KLHDC1: variants seen among roughly 807,000 people sequenced by gnomAD.
The protein encoded by KLHDC1 is kelch domain-containing protein 1.
Under a neutral mutation model 68.3 loss-of-function variants are expected in KLHDC1, and 53 were observed. That is an observed-to-expected ratio of 0.78 (90% CI 0.62 to 0.98). KLHDC1 has a LOEUF of 0.98. KLHDC1 is among the 50% of genes least tolerant of loss of function. The pLI is 0.00. For synonymous variants in KLHDC1, 148 were observed against 159.0 expected, an observed-to-expected ratio of 0.93 and a Z score of 0.52; for missense variants, 470 against 492.3, an observed-to-expected ratio of 0.95 and a Z score of 0.43.
At chr14:49,719,180 C>G (rs1888463329) in intron 4 of KLHDC1, among the ~76,000 whole-genome samples, 1 of 152,008 alleles carries the variant, frequency 6.6e-6, no homozygotes, top group Non-Finnish European at 1.5e-5. Flanking sequence ...TTGTTCTTGT[C>G]TAATTCCTTA....
At chr14:49,725,606 C>A in intron 5 of KLHDC1, 80 bp from the exon 6 acceptor site, 2 of 780,088 alleles carry the variant, frequency 2.6e-6, no homozygotes, top group East Asian at 2.8e-5. Flanking sequence ...TGTTATTTTA[C>A]CAGTAAATAT....
chr14:49,750,716 T>C (rs926613465), intron 12 of KLHDC1, among the ~76,000 whole-genome samples: 3 of 152,190 alleles, frequency 2.0e-5, no homozygotes, highest in African/African-American at 7.2e-5. Flanking sequence ...AAGTTTCTTG[T>C]GGTTTTAAAG....
intron 4 of KLHDC1, among the ~76,000 whole-genome samples, chr14:49,716,056 C>T (rs1302361388): frequency 3.3e-5 from 5 of 151,878 alleles, no homozygotes; most frequent in Non-Finnish European, 5.9e-5. Flanking sequence ...GTTGATTTGC[C>T]TCCTGGTTAC....
intron 12 of KLHDC1, among the ~76,000 whole-genome samples, chr14:49,747,093 C>G (rs529665387): frequency 6.6e-6 from 1 of 152,064 alleles, no homozygotes; most frequent in Admixed American, 6.5e-5. Context: ...ACCACAGGTG[C>G]CCGCCACCAC....
intron 1 of KLHDC1, among the ~76,000 whole-genome samples, chr14:49,705,238 C>T (rs1204883879): frequency 1.3e-5 from 2 of 151,662 alleles, no homozygotes; most frequent in African/African-American, 2.4e-5. Context: ...CTTGAAGTTT[C>T]GAGGGATAGC....
At chr14:49,732,934 C>T in intron 9 of KLHDC1, 118 bp downstream of exon 9, 2 of 617,988 alleles carry the variant, frequency 3.2e-6, no homozygotes, top group East Asian at 5.7e-5. Flanking sequence ...TGCCTTTATC[C>T]TCAATTATTT....
chr14:49,702,927 T>G lies in KLHDC1; in HGVS notation c.97-6232T>G, dbSNP rs567996009. ...AAGGCAGCAGTGTGGTGTGCACCAG[T>G]GACCACAGACCTGCTCTCTTGGCAT... On this transcript the variant is annotated intron_variant, in intron 1 of 12. Coordinates refer to ENST00000359332, the MANE Select transcript of KLHDC1 (RefSeq NM_172193.3). 4.6e-4 allele frequency among the ~76,000 whole-genome samples: 70 copies of G among 152,316 alleles called. 1 individual carries two copies. In the South Asian group the frequency reaches 5.8e-3, roughly 13 times the overall value.
Position 49,732,759 on chromosome 14 carries a change from A to G in KLHDC1, c.766A>G (p.Ile256Val), listed in dbSNP as rs1233201782. The change falls in exon 9 of 13, where the codon ATA becomes GTA. Residue 256 changes from isoleucine (I) to valine (V), a missense_variant. Coordinates refer to ENST00000359332, the MANE Select transcript of KLHDC1 (RefSeq NM_172193.3). Reference protein sequence around the residue: ...KHRSWHTLTPIADDKLFLCGG... With the variant: ...KHRSWHTLTPVADDKLFLCGG... ...TCGGTCATGGCATACTTTAACACCT[A>G]TAGCTGATGATAAACTTTTCCTATG... is the stretch of plus-strand genomic sequence containing the variant. 1.7e-5 allele frequency: 28 copies of G among 1,610,216 alleles called. No individual in the cohort carries two copies. The highest frequency in any genetic ancestry group is 3.3e-5 in the South Asian group (3 of 90,944).
At chr14:49,711,284 C>T (rs1888193191) in intron 4 of KLHDC1, among the ~76,000 whole-genome samples, 2 of 152,200 alleles carry the variant, frequency 1.3e-5, no homozygotes, top group South Asian at 2.1e-4. Flanking sequence ...TCACTGCAAC[C>T]TCCACCTCCC....
chr14:49,741,309 TA>T (rs1198633556), intron 11 of KLHDC1, among the ~76,000 whole-genome samples: 5 of 151,102 alleles, frequency 3.3e-5, no homozygotes, highest in South Asian at 4.2e-4. Flanking sequence ...CCAAGTATAT[TA>T]TTATTTTTTT....
At chr14:49,728,567 T>G (rs1387939389) in intron 6 of KLHDC1, among the ~76,000 whole-genome samples, 1 of 152,094 alleles carries the variant, frequency 6.6e-6, no homozygotes, top group Non-Finnish European at 1.5e-5. Context: ...GAACTCTGTG[T>G]GTGTGAAAGA....
At chr14:49,700,459 C>T (rs1465720017) in intron 1 of KLHDC1, among the ~76,000 whole-genome samples, 1 of 152,112 alleles carries the variant, frequency 6.6e-6, no homozygotes, top group East Asian at 1.9e-4. Flanking sequence ...TAGTGTGCTT[C>T]TATGGTCCTA....
At chr14:49,699,988 A>G in intron 1 of KLHDC1, 1 of 327,208 alleles carries the variant, frequency 3.1e-6, no homozygotes, top group Non-Finnish European at 5.8e-6. Context: ...TTTGAACAGT[A>G]TTATTTCTGT....
intron 12 of KLHDC1, among the ~76,000 whole-genome samples, chr14:49,749,302 T>C (rs1248636989): frequency 2.0e-5 from 3 of 152,106 alleles, no homozygotes; most frequent in African/African-American, 7.2e-5. Context: ...ATATCTTTCA[T>C]GTAAATAATC....
intron 8 of KLHDC1, among the ~76,000 whole-genome samples, chr14:49,730,626 A>G (rs138476562): frequency 1.1e-4 from 16 of 152,300 alleles, no homozygotes; most frequent in Non-Finnish European, 2.2e-4. Context: ...TGGACAAAGA[A>G]CATGCATAAA....
chr14:49,698,763 A>G (rs1304710129), intron 1 of KLHDC1, among the ~76,000 whole-genome samples: 1 of 151,854 alleles, frequency 6.6e-6, no homozygotes, highest in East Asian at 1.9e-4. Context: ...CAGTCAGCCC[A>G]CCTCGGCCTC....
intron 12 of KLHDC1, among the ~76,000 whole-genome samples, chr14:49,747,134 G>C (rs914777193): frequency 6.6e-6 from 1 of 152,004 alleles, no homozygotes; most frequent in Non-Finnish European, 1.5e-5. Flanking sequence ...TTTTAGTAGA[G>C]ACAGGGGTTT....
chr14:49,706,059 C>T (rs573576343), intron 1 of KLHDC1, among the ~76,000 whole-genome samples: 3 of 152,186 alleles, frequency 2.0e-5, no homozygotes, highest in Non-Finnish European at 2.9e-5. Context: ...CCCTATTGTG[C>T]GATCAAATAC....
chr14:49,751,498 G>C (rs943154112), intron 12 of KLHDC1, 88 bp from the exon 13 acceptor site: 1 of 639,628 alleles, frequency 1.6e-6, no homozygotes, highest in Admixed American at 3.9e-5. Context: ...ATACTACAAT[G>C]TTAAAAAAGA....
Sources: gnomAD v4.1 joint callset for allele counts (sites outside exome capture counted in the v4.1 genomes callset) on GRCh38, gnomAD v4.1.1 for gene constraint, MANE v1.5 for transcripts, NCBI Gene and HGNC (gene_info 2026-07-23, HGNC 2026-07-21) for gene names.